Variants in CFAP299 observed in about 807,000 individuals in gnomAD.
CFAP299 encodes cilia and flagella associated protein 299, also known as cilia- and flagella-associated protein 299.
In CFAP299, 21 loss-of-function variants were observed where a neutral mutation model predicts 27.0. The observed-to-expected ratio is 0.78, with a 90% CI of 0.55 to 1.12. The LOEUF (loss-of-function observed/expected upper bound fraction) is 1.12, where lower values mean the gene tolerates loss of function less well. Among genes scored for constraint, CFAP299 ranks in the 50% most tolerant of loss-of-function variants. The pLI, the probability that CFAP299 is intolerant of heterozygous loss-of-function variation, is 0.00. For synonymous variants in CFAP299, 104 were observed against 98.1 expected, an observed-to-expected ratio of 1.06 and a Z score of -0.36; for missense variants, 310 against 276.6, an observed-to-expected ratio of 1.12 and a Z score of -0.86.
chr4:80,491,811 C>A (rs1053359821), intron 2 of CFAP299, among the ~76,000 whole-genome samples: 2 of 152,084 alleles, frequency 1.3e-5, no homozygotes, highest in African/African-American at 4.8e-5. Context: ...GTTTCTTTGC[C>A]ATATTTTGAA....
chr4:80,953,330 T>G (rs182486586), intron 5 of CFAP299, among the ~76,000 whole-genome samples: 8 of 152,276 alleles, frequency 5.3e-5, no homozygotes, highest in Admixed American at 5.2e-4. Context: ...CTTGCCAACT[T>G]TCTCGTTTTG....
intron 4 of CFAP299, among the ~76,000 whole-genome samples, chr4:80,902,010 A>G (rs1734924142): frequency 6.6e-6 from 1 of 152,030 alleles, no homozygotes; most frequent in African/African-American, 2.4e-5. Context: ...GTATATATTT[A>G]TATGGCATTG....
chr4:80,741,748 C>T (rs1724285430), intron 3 of CFAP299, among the ~76,000 whole-genome samples: 1 of 152,124 alleles, frequency 6.6e-6, no homozygotes, highest in Non-Finnish European at 1.5e-5. Context: ...GCCAGTGTAG[C>T]ACAAGGAATT....
intron 2 of CFAP299, among the ~76,000 whole-genome samples, chr4:80,508,981 A>G (rs1304574590): frequency 6.6e-6 from 1 of 152,164 alleles, no homozygotes; most frequent in Non-Finnish European, 1.5e-5. Flanking sequence ...TCAGAACTAT[A>G]GACTTCTAGA....
intron 2 of CFAP299, among the ~76,000 whole-genome samples, chr4:80,402,350 G>A (rs530778850): frequency 6.6e-6 from 1 of 152,114 alleles, no homozygotes; most frequent in Non-Finnish European, 1.5e-5. Context: ...ACGTGTTGTG[G>A]GAAGAACCCA....
chr4:80,772,727 C>A (rs1726291735), intron 3 of CFAP299, among the ~76,000 whole-genome samples: 1 of 151,882 alleles, frequency 6.6e-6, no homozygotes, highest in African/African-American at 2.4e-5. Flanking sequence ...CTCCGCCTCC[C>A]AAAAGGCCCC....
chr4:80,538,813 T>C (rs1342939213), intron 2 of CFAP299, among the ~76,000 whole-genome samples: 2 of 152,210 alleles, frequency 1.3e-5, no homozygotes, highest in African/African-American at 4.8e-5. Context: ...TTTCTCAGAA[T>C]ATATACCCGT....
Position 80,775,496 on chromosome 4 carries a change from G to A in CFAP299, c.334-94497G>A, listed in dbSNP as rs116320999. Among the ~76,000 whole-genome samples, 873 of 151,860 alleles carry A rather than the reference G, an allele frequency of 5.7e-3. 4 individuals are homozygous for A. Among genetic ancestry groups the A allele is most frequent in the African/African-American group, 0.02 (837 of 41,436 alleles). Reference sequence around the variant, plus strand: ...CACCATATTTATTTTCTTGCTGTTTGGTTGATGTATTTTTAAATTATATAG... The same window carrying A: ...CACCATATTTATTTTCTTGCTGTTTAGTTGATGTATTTTTAAATTATATAG... On this transcript the variant is annotated intron_variant, in intron 3 of 5. Transcript: ENST00000358105.
chr4:80,532,689 G>T (rs1733534298), intron 2 of CFAP299, among the ~76,000 whole-genome samples: 1 of 152,180 alleles, frequency 6.6e-6, no homozygotes, highest in Admixed American at 6.5e-5. Flanking sequence ...CACATGGTAA[G>T]ATTCAATTAC....
intron 4 of CFAP299, among the ~76,000 whole-genome samples, chr4:80,919,581 GT>G (rs1735938993): frequency 6.6e-6 from 1 of 152,052 alleles, no homozygotes; most frequent in African/African-American, 2.4e-5. Context: ...TAAGCAACTG[GT>G]TTTCTTTTGA....
At chr4:80,547,608 G>C (rs527887338) in intron 2 of CFAP299, among the ~76,000 whole-genome samples, 1 of 152,022 alleles carries the variant, frequency 6.6e-6, no homozygotes. Context: ...ATGAGAGAAA[G>C]TATTGGCAAA....
chr4:80,329,915 G>T, the CFAP299 span, among the ~76,000 whole-genome samples: 3 of 152,028 alleles, frequency 2.0e-5, no homozygotes, highest in Non-Finnish European at 4.4e-5. Flanking sequence ...CCTCATCTCT[G>T]GGGTTTTAAC....
chr4:80,512,032 G>A (rs558923576), intron 2 of CFAP299, among the ~76,000 whole-genome samples: 12 of 152,132 alleles, frequency 7.9e-5, no homozygotes, highest in South Asian at 6.2e-4. Flanking sequence ...CCTGGCCCCC[G>A]CCTTAAATGC....
At chr4:80,947,149 A>G (rs1287634628) in intron 5 of CFAP299, among the ~76,000 whole-genome samples, 2 of 152,202 alleles carry the variant, frequency 1.3e-5, no homozygotes, top group South Asian at 2.1e-4. Flanking sequence ...AGATTTCAGT[A>G]TGACATATAA....
intron 2 of CFAP299, among the ~76,000 whole-genome samples, chr4:80,371,128 A>G (rs1046746063): frequency 6.6e-6 from 1 of 152,300 alleles, no homozygotes; most frequent in Admixed American, 6.5e-5. Flanking sequence ...TATGGCTTGC[A>G]TCCTCTGGAA....
the CFAP299 span, among the ~76,000 whole-genome samples, chr4:80,326,771 G>T: frequency 1.3e-5 from 2 of 151,758 alleles, no homozygotes; most frequent in African/African-American, 2.4e-5. Context: ...AATTCCTTTG[G>T]GTAGCCTTTT....
intron 2 of CFAP299, among the ~76,000 whole-genome samples, chr4:80,415,053 C>T (rs1025370148): frequency 6.6e-6 from 1 of 152,126 alleles, no homozygotes; most frequent in South Asian, 2.1e-4. Context: ...TAGATGGGGA[C>T]AACCTCATCC....
At chr4:80,591,117 T>TTA (rs1736739134) in intron 3 of CFAP299, among the ~76,000 whole-genome samples, 1 of 143,350 alleles carries the variant, frequency 7.0e-6, no homozygotes, top group Non-Finnish European at 1.5e-5. Context: ...TTTTTTTTTT[T>TTA]TTTTTTTTTT....
intron 2 of CFAP299, among the ~76,000 whole-genome samples, chr4:80,415,221 C>T (rs549097501): frequency 2.0e-5 from 3 of 152,168 alleles, no homozygotes; most frequent in South Asian, 2.1e-4. Context: ...AAATTTTGGC[C>T]GTCTTTCTGG....
Sources: allele counts gnomAD v4.1 joint callset (sites outside exome capture counted in the v4.1 genomes callset), GRCh38; gene constraint gnomAD v4.1.1; transcripts MANE v1.5; gene names NCBI Gene and HGNC (gene_info 2026-07-23, HGNC 2026-07-21).